The following HS3ST3A1 variants were observed in gnomAD, a reference collection of about 807,000 sequenced individuals.
HS3ST3A1 encodes heparan sulfate glucosamine 3-O-sulfotransferase 3A1.
In HS3ST3A1, 19 loss-of-function variants were observed where a neutral mutation model predicts 25.7. The observed-to-expected ratio is 0.74, with a 90% CI of 0.52 to 1.08. The LOEUF (loss-of-function observed/expected upper bound fraction) is 1.08, where lower values mean the gene tolerates loss of function less well. HS3ST3A1 is among the 50% of genes least tolerant of loss of function. The pLI, the probability that HS3ST3A1 is intolerant of heterozygous loss-of-function variation, is 0.00. For missense variants in HS3ST3A1, 459 were observed against 594.3 expected, an observed-to-expected ratio of 0.77 and a Z score of 2.37; for synonymous variants, 226 against 278.6, an observed-to-expected ratio of 0.81 and a Z score of 1.88.
At chr17:13,569,430 G>A (rs1208259279) in intron 1 of HS3ST3A1, among the ~76,000 whole-genome samples, 1 of 152,070 alleles carries the variant, frequency 6.6e-6, no homozygotes, top group Non-Finnish European at 1.5e-5. Context: ...TGCTTTATTG[G>A]CACCATATTA....
intron 1 of HS3ST3A1, among the ~76,000 whole-genome samples, chr17:13,592,758 A>G (rs78389398): frequency 0.015 from 2,303 of 151,800 alleles, 29 homozygotes; most frequent in South Asian, 0.032. Flanking sequence ...ATCAGAGGAA[A>G]TGTTCTGAGG....
At chr17:13,556,231 G>A (rs910116350) in intron 1 of HS3ST3A1, among the ~76,000 whole-genome samples, 1 of 152,204 alleles carries the variant, frequency 6.6e-6, no homozygotes, top group African/African-American at 2.4e-5. Flanking sequence ...AAGCCGGCCG[G>A]GCGCGGTGGC....
chr17:13,553,034 G>A, intron 1 of HS3ST3A1, among the ~76,000 whole-genome samples: 1 of 152,152 alleles, frequency 6.6e-6, no homozygotes, highest in East Asian at 1.9e-4. Context: ...GTCTTTCTAG[G>A]ACCATGTTAG....
intron 1 of HS3ST3A1, among the ~76,000 whole-genome samples, chr17:13,542,733 T>C (rs1484954959): frequency 6.6e-6 from 1 of 152,030 alleles, no homozygotes; most frequent in Admixed American, 6.5e-5. Flanking sequence ...TGAATGTTAA[T>C]GAGATGACTG....
At chr17:13,560,344 C>G (rs971352816) in intron 1 of HS3ST3A1, among the ~76,000 whole-genome samples, 1 of 124,292 alleles carries the variant, frequency 8.0e-6, no homozygotes, top group African/African-American at 3.0e-5. Context: ...TACTCTTCAA[C>G]TGGAGTCACC....
intron 1 of HS3ST3A1, among the ~76,000 whole-genome samples, chr17:13,558,485 A>G (rs1316529309): frequency 1.3e-5 from 2 of 152,214 alleles, no homozygotes; most frequent in African/African-American, 4.8e-5. Context: ...GCTATATGTA[A>G]GTAATAAAAA....
chr17:13,516,799 G>T (rs1222981543), intron 1 of HS3ST3A1, among the ~76,000 whole-genome samples: 2 of 152,166 alleles, frequency 1.3e-5, no homozygotes, highest in African/African-American at 2.4e-5. Context: ...ATGGTCTAGT[G>T]CCTCAGCTTC....
chr17:13,497,886 T>C (rs1195987368), intron 1 of HS3ST3A1, among the ~76,000 whole-genome samples: 3 of 152,226 alleles, frequency 2.0e-5, no homozygotes, highest in Non-Finnish European at 4.4e-5. Context: ...AATTTGTGAT[T>C]AGTTTTTATT....
At chr17:13,570,888 C>G (rs1907787198) in intron 1 of HS3ST3A1, among the ~76,000 whole-genome samples, 1 of 152,172 alleles carries the variant, frequency 6.6e-6, no homozygotes, top group Non-Finnish European at 1.5e-5. Flanking sequence ...ATCACAACAA[C>G]CCTTTCACTA....
intron 1 of HS3ST3A1, among the ~76,000 whole-genome samples, chr17:13,510,608 T>A (rs1464280337): frequency 6.6e-6 from 1 of 152,348 alleles, no homozygotes; most frequent in East Asian, 1.9e-4. Flanking sequence ...AGAAGTGACT[T>A]GCAGCTATGA....
intron 1 of HS3ST3A1, among the ~76,000 whole-genome samples, chr17:13,570,203 C>T (rs558606929): frequency 1.3e-5 from 2 of 148,274 alleles, no homozygotes; most frequent in Non-Finnish European, 2.9e-5. Flanking sequence ...ATATGGAAGA[C>T]GTAAATCGTA....
chr17:13,498,175 G>A (rs1340143596), intron 1 of HS3ST3A1, among the ~76,000 whole-genome samples: 1 of 152,092 alleles, frequency 6.6e-6, no homozygotes, highest in Non-Finnish European at 1.5e-5. Context: ...CCTATTAATG[G>A]ATTAATAAGT....
At chr17:13,588,071 T>C (rs927555735) in intron 1 of HS3ST3A1, among the ~76,000 whole-genome samples, 4 of 152,196 alleles carry the variant, frequency 2.6e-5, no homozygotes, top group Non-Finnish European at 5.9e-5. Context: ...TTGAAGCCTC[T>C]GGCTTAGCCC....
At chr17:13,574,718 A>T (rs1907905463) in intron 1 of HS3ST3A1, among the ~76,000 whole-genome samples, 1 of 151,290 alleles carries the variant, frequency 6.6e-6, no homozygotes, top group African/African-American at 2.4e-5. Flanking sequence ...ACTCCATCTG[A>T]AAACAAAACC....
intron 1 of HS3ST3A1, among the ~76,000 whole-genome samples, chr17:13,561,733 C>T (rs1836672172): frequency 6.6e-6 from 1 of 152,084 alleles, no homozygotes; most frequent in Non-Finnish European, 1.5e-5. Flanking sequence ...TGTGTCAGAC[C>T]TCCCACCAGG....
chr17:13,578,716 G>T (rs563753090), intron 1 of HS3ST3A1, among the ~76,000 whole-genome samples: 1 of 152,082 alleles, frequency 6.6e-6, no homozygotes, highest in Admixed American at 6.6e-5. Context: ...AATACTGAAC[G>T]AATGAATGTT....
At chr17:13,548,088 T>C (rs985413918) in intron 1 of HS3ST3A1, among the ~76,000 whole-genome samples, 1 of 152,220 alleles carries the variant, frequency 6.6e-6, no homozygotes, top group Non-Finnish European at 1.5e-5. Flanking sequence ...CCATTTTCAT[T>C]GTCTGATGAC....
At chr17:13,500,096 A>C (rs530158453) in intron 1 of HS3ST3A1, among the ~76,000 whole-genome samples, 4 of 152,328 alleles carry the variant, frequency 2.6e-5, no homozygotes, top group Admixed American at 6.5e-5. Context: ...GAAGGGGATA[A>C]ATTTTTTTCA....
intron 1 of HS3ST3A1, among the ~76,000 whole-genome samples, chr17:13,552,879 A>G (rs1907280903): frequency 6.6e-6 from 1 of 152,150 alleles, no homozygotes; most frequent in Non-Finnish European, 1.5e-5. Context: ...TGGAGCCTTG[A>G]ATAAATCAAG....
Sources: gnomAD v4.1 joint callset for allele counts (sites outside exome capture counted in the v4.1 genomes callset) on GRCh38, gnomAD v4.1.1 for gene constraint, MANE v1.5 for transcripts, NCBI Gene and HGNC (gene_info 2026-07-23, HGNC 2026-07-21) for gene names.